Variants in ZNF644 observed in about 807,000 individuals in gnomAD.
ZNF644 encodes the protein zinc finger protein 644.
Under a neutral mutation model 108.0 loss-of-function variants are expected in ZNF644, and 20 were observed. The ratio of observed to expected loss-of-function variants is 0.19; its 90% CI spans 0.13 to 0.27. ZNF644 has a LOEUF of 0.27. Ranked by LOEUF, ZNF644 falls within the 10% of genes least tolerant of loss-of-function variation. ZNF644 has a pLI of 1.00. For missense variants in ZNF644, 1,338 were observed against 1,548.9 expected, an observed-to-expected ratio of 0.86 and a Z score of 2.29; for synonymous variants, 542 against 539.1, an observed-to-expected ratio of 1.01 and a Z score of -0.08.
At chr1:91,019,604 C>T (rs1431278225) in intron 1 of ZNF644, among the ~76,000 whole-genome samples, 1 of 152,180 alleles carries the variant, frequency 6.6e-6, no homozygotes, top group East Asian at 1.9e-4. Flanking sequence ...TGTAGTCTTG[C>T]TGTGTCACCA....
At chr1:90,989,527 A>C (rs1163833990) in intron 1 of ZNF644, among the ~76,000 whole-genome samples, 1 of 152,240 alleles carries the variant, frequency 6.6e-6, no homozygotes, top group Non-Finnish European at 1.5e-5. Flanking sequence ...TGGGCAATAT[A>C]GCAAGACCCT....
intron 2 of ZNF644, among the ~76,000 whole-genome samples, chr1:90,982,002 AAG>A (rs1331131519): frequency 6.6e-6 from 1 of 152,112 alleles, no homozygotes; most frequent in South Asian, 2.1e-4. Context: ...AGAGTTCAAT[AAG>A]AGTGGCTGAA....
chr1:91,000,919 A>C (rs941180476), intron 1 of ZNF644, among the ~76,000 whole-genome samples: 2 of 152,228 alleles, frequency 1.3e-5, no homozygotes, highest in Non-Finnish European at 2.9e-5. Flanking sequence ...CTATGCAAAC[A>C]AACTAGAAAA....
At position 90,937,576 on chromosome 1, in the gene ZNF644, TC is replaced by T; in HGVS notation, c.3596del (p.Arg1199LysfsTer12). 1 of 1,613,950 alleles carries T rather than the reference TC, an allele frequency of 6.2e-7. No individual in the cohort carries two copies. The highest frequency in any genetic ancestry group is 8.5e-7 in the Non-Finnish European group (1 of 1,179,852). ...GAACGCATTTCTGAACGAATCTCTT[TC>T]TTGCTGTCTGATTATGGATCTTTTG... Reference protein sequence around the residue: ...SPQKIHNQTARKRFVQKCVLP... With the variant: ...SPQKIHNQTAXKRFVQKCVLP... On this transcript the variant is annotated frameshift_variant, in exon 4 of 6. Coordinates refer to ENST00000337393, the MANE Select transcript of ZNF644 (RefSeq NM_201269.3). LOFTEE classifies it high-confidence loss of function.
intron 1 of ZNF644, among the ~76,000 whole-genome samples, chr1:91,012,293 A>G (rs942337237): frequency 6.7e-6 from 1 of 149,600 alleles, no homozygotes; most frequent in African/African-American, 2.5e-5. Flanking sequence ...ACATGGTAAA[A>G]CCCTATCTCT....
intron 1 of ZNF644, among the ~76,000 whole-genome samples, chr1:90,991,955 C>A (rs115880204): frequency 1.4e-4 from 22 of 152,188 alleles, no homozygotes; most frequent in African/African-American, 5.1e-4. Flanking sequence ...CATTAAACAC[C>A]TGCAACAGAA....
intron 4 of ZNF644, among the ~76,000 whole-genome samples, chr1:90,925,424 G>A (rs945881220): frequency 2.0e-5 from 3 of 151,706 alleles, no homozygotes; most frequent in African/African-American, 7.3e-5. Flanking sequence ...GTATATCCAG[G>A]GCAACTTGAA....
chr1:90,958,692 A>C (rs1225634139), intron 2 of ZNF644, among the ~76,000 whole-genome samples: 2 of 152,198 alleles, frequency 1.3e-5, no homozygotes, highest in Admixed American at 6.5e-5. Context: ...CATTTCCAAC[A>C]AAGTGCCAAG....
chr1:91,014,588 T>C lies in ZNF644; in HGVS notation c.-18+7402A>G, dbSNP rs141142694. Among the ~76,000 whole-genome samples, 481 of 152,258 alleles carry C rather than the reference T, an allele frequency of 3.2e-3. 2 individuals are homozygous for C. The highest frequency in any genetic ancestry group is 0.011 in the African/African-American group (447 of 41,540). ...TAGCAATCCAAATCCCATAAAGTAT[T>C]AGTTCTGATTAAGCCTGATTTTTTT... On this transcript the variant is annotated intron_variant, in intron 1 of 5. Coordinates refer to ENST00000337393, the MANE Select transcript of ZNF644 (RefSeq NM_201269.3).
intron 1 of ZNF644, among the ~76,000 whole-genome samples, chr1:91,019,810 T>C (rs569193397): frequency 6.6e-6 from 1 of 152,238 alleles, no homozygotes; most frequent in Admixed American, 6.5e-5. Context: ...CGTGATCTGC[T>C]CGCCTCAGCC....
At chr1:90,917,922 A>G (rs1225474450) in intron 5 of ZNF644, 130 bp downstream of exon 5, 3 of 786,988 alleles carry the variant, frequency 3.8e-6, no homozygotes, top group Non-Finnish European at 6.6e-6. Flanking sequence ...GCCTATCTCC[A>G]AAAGTTCATT....
chr1:90,925,915 G>A (rs1319215469), intron 4 of ZNF644, among the ~76,000 whole-genome samples: 1 of 152,054 alleles, frequency 6.6e-6, no homozygotes, highest in Non-Finnish European at 1.5e-5. Flanking sequence ...TCTTTGCCAA[G>A]GTGACCCCAG....
intron 1 of ZNF644, chr1:91,021,749 G>T: frequency 3.4e-6 from 1 of 291,738 alleles, no homozygotes; most frequent in Non-Finnish European, 6.3e-6. Flanking sequence ...CCGGGGCCCG[G>T]GCTCCTTGTG....
Position 90,938,557 on chromosome 1 carries a change from T to C in ZNF644, c.2797A>G (p.Ile933Val). The change falls in exon 3 of 6, where the codon ATA becomes GTA. Residue 933 changes from isoleucine to valine, a missense_variant. Transcript: ENST00000337393. The surrounding 1 kb of genome is among the most constrained non-coding windows in gnomAD (Gnocchi z 4.2). Reference protein sequence around the residue: ...DTGSNNFLHEIHDPQHLETAD... With the variant: ...DTGSNNFLHEVHDPQHLETAD... ...GTTTCTAAATGCTGAGGATCATGTATCTCATGCAAAAAGTTGTTACTTCCA... is the reference window on the plus strand; with the variant it reads ...GTTTCTAAATGCTGAGGATCATGTACCTCATGCAAAAAGTTGTTACTTCCA... 2.5e-6 allele frequency: 4 copies of C among 1,613,884 alleles called. No individual in the cohort carries two copies. The highest frequency in any genetic ancestry group is 2.5e-6 in the Non-Finnish European group (3 of 1,179,870).
At chr1:91,000,052 C>T (rs1018122278) in intron 1 of ZNF644, among the ~76,000 whole-genome samples, 6 of 152,160 alleles carry the variant, frequency 3.9e-5, no homozygotes, top group African/African-American at 1.4e-4. Flanking sequence ...TCCTTAGAGA[C>T]CTACAAAGAG....
intron 4 of ZNF644, among the ~76,000 whole-genome samples, chr1:90,932,398 G>A (rs544733404): frequency 4.6e-5 from 7 of 152,190 alleles, no homozygotes; most frequent in East Asian, 1.9e-4. Context: ...TGGTTAGGGA[G>A]GCTTTATTCC....
intron 4 of ZNF644, among the ~76,000 whole-genome samples, chr1:90,930,071 A>G (rs1485210223): frequency 2.0e-5 from 3 of 152,178 alleles, no homozygotes; most frequent in Non-Finnish European, 4.4e-5. Context: ...TGGATCACCT[A>G]AAGTCAGGAG....
In ZNF644 at chr1:91,002,210, C is replaced by T. The variant is rs571158741; in HGVS notation, c.-18+19780G>A. On this transcript the variant is annotated intron_variant, in intron 1 of 5. Coordinates refer to ENST00000337393, the MANE Select transcript of ZNF644 (RefSeq NM_201269.3). ...GTTCATATGGAACCAAAAAAGAGCC[C>T]GCATCGCCAAGTCAATCCTAAGCCA... is the stretch of plus-strand genomic sequence containing the variant. 2.0e-4 allele frequency among the ~76,000 whole-genome samples: 30 copies of T among 152,194 alleles called. No individual in the cohort carries two copies. The Middle Eastern group carries it at 0.01, about 52-fold the overall frequency.
At chr1:90,936,085 C>T (rs989558146) in intron 4 of ZNF644, among the ~76,000 whole-genome samples, 4 of 152,138 alleles carry the variant, frequency 2.6e-5, no homozygotes, top group African/African-American at 9.7e-5. Context: ...ATGTTCATTA[C>T]TCTGAATGCG....
Sources: allele counts gnomAD v4.1 joint callset (sites outside exome capture counted in the v4.1 genomes callset), GRCh38; gene constraint gnomAD v4.1.1; non-coding constraint Gnocchi (gnomAD v3.1); transcripts MANE v1.5; gene names NCBI Gene and HGNC (gene_info 2026-07-23, HGNC 2026-07-21).